Variants in CYTH3 observed in about 807,000 individuals in gnomAD.
CYTH3 encodes cytohesin 3.
A neutral mutation model predicts 55.1 loss-of-function variants in CYTH3; 23 were observed. The ratio of observed to expected loss-of-function variants is 0.42; its 90% CI spans 0.30 to 0.59. The LOEUF (loss-of-function observed/expected upper bound fraction) is 0.59. Ranked by LOEUF, CYTH3 falls within the 20% of genes least tolerant of loss-of-function variation. CYTH3 has a pLI of 0.20. For synonymous variants in CYTH3, 249 were observed against 194.9 expected (o/e 1.28, Z -2.31); for missense variants, 413 against 524.8 (o/e 0.79, Z 2.08).
chr7:6,176,831 G>C (rs773543355), intron 5 of CYTH3, among the ~76,000 whole-genome samples: 1 of 152,180 alleles, frequency 6.6e-6, no homozygotes, highest in Admixed American at 6.5e-5. Context: ...TCATCATTAA[G>C]TATGATGTTA....
intron 1 of CYTH3, among the ~76,000 whole-genome samples, chr7:6,220,920 C>T (rs1784536039): frequency 6.6e-6 from 1 of 151,936 alleles, no homozygotes; most frequent in Admixed American, 6.6e-5. Flanking sequence ...TGCTTGAACA[C>T]GGGAGGCAAA....
In CYTH3 at chr7:6,235,654, C is replaced by T. The variant is rs75234116; in HGVS notation, c.34+36820G>A. Among the ~76,000 whole-genome samples the T allele has an allele frequency of 5.3e-5, 8 of 152,076 alleles. No individual in the cohort carries two copies. In the East Asian group the frequency reaches 1.5e-3, roughly 29 times the overall value. ...TACACGGGAGTCGTTAGATACTACA[C>T]TGAAATAAAAAATACAACATGTCAC... On this transcript the variant is annotated intron_variant, in intron 1 of 12. Transcript: ENST00000350796.
intron 1 of CYTH3, among the ~76,000 whole-genome samples, chr7:6,196,505 G>T (rs535055031): frequency 3.8e-4 from 54 of 140,940 alleles, no homozygotes; most frequent in African/African-American, 1.5e-3. Context: ...TGTTGCCCAG[G>T]CTGGAGTGCA....
At chr7:6,267,225 A>G (rs1037008071) in intron 1 of CYTH3, among the ~76,000 whole-genome samples, 6 of 152,202 alleles carry the variant, frequency 3.9e-5, no homozygotes, top group African/African-American at 1.4e-4. Context: ...CACAACCATG[A>G]GTCCATGAAA....
rs780144942 is a variant in CYTH3, at chr7:6,177,839, C to A, written c.352G>T (p.Asp118Tyr). 2 of 1,613,888 alleles carry A rather than the reference C, an allele frequency of 1.2e-6. No homozygotes were observed. Among genetic ancestry groups the A allele is most frequent in the Non-Finnish European group, 1.7e-6 (2 of 1,179,798 alleles). The change falls in exon 5 of 13, where the codon GAC becomes TAC. Residue 118 changes from aspartate (D) to tyrosine (Y), a missense_variant. Transcript: ENST00000350796. ...GEGLNKTVIG[D>Y]YLGERDEFNI... ...CTAACTCACCTTTCACCCAGGTAGT[C>A]CCCAATGACGGTCTTATTTAGGCCT...
intron 1 of CYTH3, among the ~76,000 whole-genome samples, chr7:6,268,849 A>C (rs1001058699): frequency 6.6e-6 from 1 of 152,186 alleles, no homozygotes; most frequent in Non-Finnish European, 1.5e-5. Context: ...AATTAGTGAC[A>C]GGGGTGATGG....
At chr7:6,241,195 C>G (rs1757233193) in intron 1 of CYTH3, among the ~76,000 whole-genome samples, 1 of 151,804 alleles carries the variant, frequency 6.6e-6, no homozygotes, top group African/African-American at 2.4e-5. Context: ...AAAACCAAAA[C>G]CCAAGTAAAC....
At chr7:6,229,178 A>T (rs1459039884) in intron 1 of CYTH3, among the ~76,000 whole-genome samples, 1 of 152,204 alleles carries the variant, frequency 6.6e-6, no homozygotes. Context: ...GTTGGCCAGA[A>T]TGCCAGCCTC....
chr7:6,167,519 G>A lies in CYTH3; in HGVS notation c.824-1709C>T, dbSNP rs564296510. ...CAGGCCCCGCTCCAGCTGCACTGGT[G>A]CCAGCTGCCATCCCCCAAACAGCGG... On this transcript the variant is annotated intron_variant, in intron 9 of 12. Coordinates refer to ENST00000350796, the MANE Select transcript of CYTH3 (RefSeq NM_004227.4). This position sits in a 1 kb window ranked among gnomAD's most constrained non-coding sequence, Gnocchi z 5.5. Among the ~76,000 whole-genome samples, 1 of 152,368 alleles carries A rather than the reference G, an allele frequency of 6.6e-6. No homozygotes were observed. The highest frequency in any genetic ancestry group is 1.9e-4 in the East Asian group (1 of 5,188).
rs1257087110 is a variant in CYTH3, at chr7:6,189,298, TTTTA to T, written c.117+1147_117+1150del. Among the ~76,000 whole-genome samples, 12 of 152,228 alleles carry T rather than the reference TTTTA, an allele frequency of 7.9e-5. No individual in the cohort carries two copies. The South Asian group carries it at 1.7e-3, about 21-fold the overall frequency. Reference sequence around the variant, plus strand: ...AGAGCCCATGTTTGTGTGCCTGTGTTTTTATTTGTCTTTACTTTTTCTTTTTTTT... The same window carrying T: ...AGAGCCCATGTTTGTGTGCCTGTGTTTTTGTCTTTACTTTTTCTTTTTTTT... On this transcript the variant is annotated intron_variant, in intron 2 of 12. Transcript: ENST00000350796.
chr7:6,262,766 G>C (rs1183402883), intron 1 of CYTH3, among the ~76,000 whole-genome samples: 2 of 152,118 alleles, frequency 1.3e-5, no homozygotes, highest in South Asian at 2.1e-4. Context: ...TTCAAAAACA[G>C]AGGCAAGCTT....
chr7:6,197,442 G>T (rs2128545915), intron 1 of CYTH3, among the ~76,000 whole-genome samples: 1 of 152,330 alleles, frequency 6.6e-6, no homozygotes, highest in African/African-American at 2.4e-5. Context: ...CAGCACTTTG[G>T]AAGGCCGAAG....
intron 1 of CYTH3, among the ~76,000 whole-genome samples, chr7:6,216,569 T>A (rs538286095): frequency 1.3e-5 from 2 of 151,228 alleles, no homozygotes; most frequent in African/African-American, 2.4e-5. Context: ...CAAGACCCCA[T>A]CTCTACAAAA....
Position 6,171,048 on chromosome 7 carries a change from G to A in CYTH3, c.563-70C>T, listed in dbSNP as rs1783174404. 3.8e-6 allele frequency: 6 copies of A among 1,595,912 alleles called. No individual in the cohort carries two copies. In the Admixed American group the frequency reaches 8.5e-5, roughly 23 times the overall value. On this transcript the variant is annotated intron_variant, in intron 7 of 12. Coordinates refer to ENST00000350796, the MANE Select transcript of CYTH3 (RefSeq NM_004227.4). This position sits in a 1 kb window ranked among gnomAD's most constrained non-coding sequence, Gnocchi z 6.7. The stretch of plus-strand genomic sequence containing the variant: ...GACAGTGGGACCCCGCGTGCTGGGG[G>A]CCCGCCTGCAAGAGGTGCCCGGCCC...
chr7:6,235,921 T>C (rs916970124), intron 1 of CYTH3, among the ~76,000 whole-genome samples: 1 of 152,200 alleles, frequency 6.6e-6, no homozygotes, highest in African/African-American at 2.4e-5. Context: ...CTCCAATCTA[T>C]TGCTGTAAAG....
At chr7:6,199,592 T>G in intron 1 of CYTH3, among the ~76,000 whole-genome samples, 1 of 152,214 alleles carries the variant, frequency 6.6e-6, no homozygotes, top group East Asian at 1.9e-4. Flanking sequence ...TATAAAAACT[T>G]AAACTAATTT....
chr7:6,176,648 T>G (rs147856540), intron 5 of CYTH3, among the ~76,000 whole-genome samples: 1 of 152,146 alleles, frequency 6.6e-6, no homozygotes, highest in African/African-American at 2.4e-5. Flanking sequence ...TAGGATATTC[T>G]ATATATATGA....
At chr7:6,269,870 CA>C (rs937771205) in intron 1 of CYTH3, among the ~76,000 whole-genome samples, 2 of 151,542 alleles carry the variant, frequency 1.3e-5, no homozygotes, top group African/African-American at 4.8e-5. Context: ...TGACCATTAA[CA>C]AAAAAAAGAC....
At chr7:6,172,965 G>C (rs3793204) in intron 6 of CYTH3, 2 of 1,125,042 alleles carry the variant, frequency 1.8e-6, no homozygotes, top group Non-Finnish European at 2.2e-6. Flanking sequence ...GTATGAAGCC[G>C]AAGATTTGAG....
Sources: allele counts gnomAD v4.1 joint callset (sites outside exome capture counted in the v4.1 genomes callset), GRCh38; gene constraint gnomAD v4.1.1; non-coding constraint Gnocchi (gnomAD v3.1); transcripts MANE v1.5; gene names NCBI Gene and HGNC (gene_info 2026-07-23, HGNC 2026-07-21).